Variants in MAST4 observed in about 807,000 individuals in gnomAD.
MAST4 encodes microtubule associated serine/threonine kinase family member 4.
A neutral mutation model predicts 162.7 loss-of-function variants in MAST4; 89 were observed. That is an observed-to-expected ratio of 0.55 (90% CI 0.46 to 0.65). The LOEUF (loss-of-function observed/expected upper bound fraction) is 0.65. Among genes scored for constraint, MAST4 ranks in the 30% least tolerant of loss-of-function variants. MAST4 has a pLI of 0.00. For missense variants in MAST4, 3,153 were observed against 3,374.0 expected, an observed-to-expected ratio of 0.93 and a Z score of 1.62; for synonymous variants, 1,479 against 1,361.1, an observed-to-expected ratio of 1.09 and a Z score of -1.91.
chr5:66,765,836 C>T (rs965279905), intron 2 of MAST4, among the ~76,000 whole-genome samples: 37 of 151,892 alleles, frequency 2.4e-4, no homozygotes, highest in African/African-American at 7.9e-4. Context: ...AGATTAAAGA[C>T]GAGAAAATAA....
intron 1 of MAST4, among the ~76,000 whole-genome samples, chr5:66,620,555 G>A (rs10805414): frequency 0.76 from 115,930 of 152,110 alleles, 44,503 homozygotes; most frequent in African/African-American, 0.81. Context: ...AACAATATGT[G>A]ACATTTCTGT....
At chr5:66,668,846 G>A (rs1379837644) in intron 1 of MAST4, among the ~76,000 whole-genome samples, 1 of 152,166 alleles carries the variant, frequency 6.6e-6, no homozygotes, top group Non-Finnish European at 1.5e-5. Context: ...ACCTGGCTTT[G>A]ACCATATTTG....
chr5:67,103,745 A>G (rs1765287655), intron 9 of MAST4, among the ~76,000 whole-genome samples: 1 of 152,220 alleles, frequency 6.6e-6, no homozygotes, highest in African/African-American at 2.4e-5. Flanking sequence ...AGCCCGAAAG[A>G]TACATTTTTA....
At chr5:66,908,612 A>G (rs1763540277) in intron 4 of MAST4, among the ~76,000 whole-genome samples, 1 of 152,176 alleles carries the variant, frequency 6.6e-6, no homozygotes, top group East Asian at 1.9e-4. Flanking sequence ...TACTGGAATA[A>G]CTTTTTAGCA....
rs958011856 is a variant in MAST4 at position 67,133,757 on chromosome 5, T to A, written c.2226+111T>A. 1.7e-5 allele frequency: 21 copies of A among 1,208,832 alleles called. No individual in the cohort carries two copies. The Admixed American group carries it at 4.0e-4, about 23-fold the overall frequency. The allele number at this position is 1,208,832 out of a possible 1,614,324, so 74.9% of individuals were successfully genotyped here. A position where few individuals can be genotyped will look rare whatever the true frequency, so the allele number is the denominator to read the frequency against. On this transcript the variant is annotated intron_variant, in intron 17 of 28. Coordinates refer to ENST00000403625, the MANE Select transcript of MAST4 (RefSeq NM_001164664.2). Reference sequence around the variant, plus strand: ...TTCACATTAGTGCTGGTGGTTTAGATGTCTGTATAAACCTTACATTTAATA... The same window carrying A: ...TTCACATTAGTGCTGGTGGTTTAGAAGTCTGTATAAACCTTACATTTAATA...
Position 66,938,168 on chromosome 5 carries a change from GAATCTTATTCCA to G in MAST4, c.674+38191_674+38202del, listed in dbSNP as rs537979905. Among the ~76,000 whole-genome samples, 265 of 152,026 alleles carry G rather than the reference GAATCTTATTCCA, an allele frequency of 1.7e-3. 1 individual carries two copies. Among genetic ancestry groups the G allele is most frequent in the Non-Finnish European group, 3.1e-3 (208 of 67,976 alleles). On this transcript the variant is annotated intron_variant, in intron 4 of 28. Transcript: ENST00000403625. Reference sequence around the variant, plus strand: ...TCTTTTAGAACTGTCATATTGCCTAGAATCTTATTCCAAATCAGCATTACATAATGATTATGG... The same window carrying G: ...TCTTTTAGAACTGTCATATTGCCTAGAATCAGCATTACATAATGATTATGG...
In MAST4 at chr5:66,677,325, A is replaced by AGTCT. The variant is rs144510914; in HGVS notation, c.363+80310_363+80313dup. Among the ~76,000 whole-genome samples, 840 of 152,286 alleles carry AGTCT rather than the reference A, an allele frequency of 5.5e-3. 23 individuals are homozygous for AGTCT. Among genetic ancestry groups the AGTCT allele is most frequent in the East Asian group, 0.043 (220 of 5,170 alleles). On this transcript the variant is annotated intron_variant, in intron 1 of 28. Transcript: ENST00000403625. ...CAATCACCAGAAACTGCATTGTAAA[A>AGTCT]GTCTGTGCTGGTGCCTGGACTAATT...
chr5:67,007,356 G>C (rs369751594), intron 4 of MAST4, among the ~76,000 whole-genome samples: 1 of 152,100 alleles, frequency 6.6e-6, no homozygotes, highest in East Asian at 1.9e-4. Context: ...TGCCATCCTC[G>C]ATAAGGGTGT....
intron 1 of MAST4, among the ~76,000 whole-genome samples, chr5:66,729,456 T>G (rs1010226989): frequency 5.9e-5 from 9 of 152,234 alleles, no homozygotes; most frequent in African/African-American, 2.2e-4. Context: ...TGTTCAGCAG[T>G]GTGCCCACAC....
At chr5:66,802,387 C>G (rs887737609) in intron 3 of MAST4, among the ~76,000 whole-genome samples, 1 of 152,042 alleles carries the variant, frequency 6.6e-6, no homozygotes, top group Non-Finnish European at 1.5e-5. Flanking sequence ...TATTTGAGAG[C>G]CCAACCAGAG....
At chr5:66,837,886 ATATATATATTT>A (rs1338889216) in intron 3 of MAST4, among the ~76,000 whole-genome samples, 613 of 52,436 alleles carry the variant, frequency 0.012, 2 homozygotes, top group African/African-American at 0.039. Context: ...ATATATATAT[ATATATATATTT>A]TTTTTTTTTT....
chr5:66,737,737 T>C (rs7718821), intron 1 of MAST4, among the ~76,000 whole-genome samples: 2,547 of 152,320 alleles, frequency 0.017, 84 homozygotes, highest in African/African-American at 0.057. Context: ...GACAAGCCTT[T>C]CTTTTGCTAA....
At chr5:66,821,298 C>T (rs1024773003) in intron 3 of MAST4, among the ~76,000 whole-genome samples, 4 of 152,202 alleles carry the variant, frequency 2.6e-5, no homozygotes, top group African/African-American at 9.7e-5. Context: ...AAGACATATA[C>T]AGTACATGTC....
At chr5:66,750,510 T>C (rs1383520642) in intron 1 of MAST4, among the ~76,000 whole-genome samples, 1 of 152,234 alleles carries the variant, frequency 6.6e-6, no homozygotes, top group Non-Finnish European at 1.5e-5. Context: ...GGGAGTTCCC[T>C]TTCTGAGTCA....
chr5:66,892,359 C>T (rs761083144), intron 3 of MAST4, among the ~76,000 whole-genome samples: 1 of 152,158 alleles, frequency 6.6e-6, no homozygotes, highest in Non-Finnish European at 1.5e-5. Context: ...CTATTCCAGG[C>T]CTTTTCACAC....
In MAST4 at chr5:67,031,934, C is replaced by T. The variant is rs79806695; in HGVS notation, c.675-22470C>T. Among the ~76,000 whole-genome samples the T allele has an allele frequency of 7.2e-3, 1,101 of 152,234 alleles. 15 individuals carry two copies. Among genetic ancestry groups the T allele is most frequent in the African/African-American group, 0.025 (1,053 of 41,528 alleles). On this transcript the variant is annotated intron_variant, in intron 4 of 28. Transcript: ENST00000403625. ...AGATCACTGGTGTCCTTTACTGCCT[C>T]TGATATATGTGGAAATGAATCAGTG...
chr5:66,871,482 C>T (rs1760926014), intron 3 of MAST4, among the ~76,000 whole-genome samples: 1 of 152,174 alleles, frequency 6.6e-6, no homozygotes, highest in Non-Finnish European at 1.5e-5. Context: ...TCATGCCCAA[C>T]TCTTTTTAAT....
In MAST4 at chr5:66,694,757, T is replaced by C. The variant is rs570742255; in HGVS notation, c.364-64952T>C. Reference sequence around the variant, plus strand: ...CCACCTTGGCCTTCCAAAGTGGTGGTATTACAGGTGTGAGCCACCACGCCC... The same window carrying C: ...CCACCTTGGCCTTCCAAAGTGGTGGCATTACAGGTGTGAGCCACCACGCCC... On this transcript the variant is annotated intron_variant, in intron 1 of 28. Transcript: ENST00000403625. Among the ~76,000 whole-genome samples the C allele has an allele frequency of 4.6e-5, 7 of 152,304 alleles. 1 individual carries two copies. The highest frequency in any genetic ancestry group is 1.4e-4 in the African/African-American group (6 of 41,582).
At chr5:66,708,499 A>C (rs12519061) in intron 1 of MAST4, among the ~76,000 whole-genome samples, 40,622 of 152,110 alleles carry the variant, frequency 0.27, 6,045 homozygotes, top group East Asian at 0.55. Flanking sequence ...TCTGAGCTTT[A>C]GTTACCTTTT....
Sources: allele counts gnomAD v4.1 joint callset (sites outside exome capture counted in the v4.1 genomes callset), GRCh38; gene constraint gnomAD v4.1.1; transcripts MANE v1.5; gene names NCBI Gene and HGNC (gene_info 2026-07-23, HGNC 2026-07-21).